Variants in LRRC8C observed in about 807,000 individuals in gnomAD.
LRRC8C encodes the protein volume-regulated anion channel subunit LRRC8C.
Under a neutral mutation model 55.3 loss-of-function variants are expected in LRRC8C, and 20 were observed. That is an observed-to-expected ratio of 0.36 (90% CI 0.25 to 0.53). The LOEUF is 0.53. Ranked by LOEUF, LRRC8C falls within the 20% of genes least tolerant of loss-of-function variation. The pLI, the probability that LRRC8C is intolerant of heterozygous loss-of-function variation, is 0.92. For synonymous variants in LRRC8C, 376 were observed against 360.7 expected, an observed-to-expected ratio of 1.04 and a Z score of -0.48; for missense variants, 659 against 951.4, an observed-to-expected ratio of 0.69 and a Z score of 4.04.
chr1:89,642,571 C>T (rs1260576369), intron 1 of LRRC8C, among the ~76,000 whole-genome samples: 2 of 151,958 alleles, frequency 1.3e-5, no homozygotes, highest in Non-Finnish European at 2.9e-5. Flanking sequence ...AAAAATTGGC[C>T]AGGCACAGTG....
chr1:89,640,686 T>G (rs1427409877), intron 1 of LRRC8C, among the ~76,000 whole-genome samples: 1 of 152,242 alleles, frequency 6.6e-6, no homozygotes, highest in African/African-American at 2.4e-5. Context: ...TGGACAACTG[T>G]GACCAGAAAG....
chr1:89,653,271 C>A (rs535179202), intron 1 of LRRC8C, among the ~76,000 whole-genome samples: 1 of 152,088 alleles, frequency 6.6e-6, no homozygotes, highest in African/African-American at 2.4e-5. Context: ...TTTAAAATAA[C>A]AATAATGCCA....
upstream of LRRC8C, chr1:89,632,217 T>C (rs1034967379): frequency 2.0e-5 from 3 of 152,176 alleles, no homozygotes; most frequent in African/African-American, 7.2e-5. Flanking sequence ...ATCCTGAAAT[T>C]GGGTGGGAAA....
intron 2 of LRRC8C, among the ~76,000 whole-genome samples, chr1:89,694,923 A>C (rs574657617): frequency 4.8e-4 from 64 of 133,530 alleles, no homozygotes; most frequent in African/African-American, 1.8e-3. Context: ...AAGTATAAAG[A>C]CTTTTTTTTT....
At chr1:89,645,988 T>TAGATAGATAG in intron 1 of LRRC8C, among the ~76,000 whole-genome samples, 1 of 61,724 alleles carries the variant, frequency 1.6e-5, no homozygotes, top group Non-Finnish European at 3.3e-5. Flanking sequence ...TAGATAGATA[T>TAGATAGATAG]GGTTACTTAG....
chr1:89,658,514 G>C (rs192879216), intron 1 of LRRC8C, among the ~76,000 whole-genome samples: 1 of 152,078 alleles, frequency 6.6e-6, no homozygotes, highest in Admixed American at 6.5e-5. Flanking sequence ...TGGGGCAGGT[G>C]GTAGAATCAC....
chr1:89,690,122 C>T (rs922997841), intron 2 of LRRC8C, among the ~76,000 whole-genome samples: 7 of 152,042 alleles, frequency 4.6e-5, no homozygotes, highest in African/African-American at 1.2e-4. Context: ...TCAGGAGGAA[C>T]GAGGTGAAGA....
intron 1 of LRRC8C, among the ~76,000 whole-genome samples, chr1:89,634,175 C>G (rs1483263879): frequency 6.6e-6 from 1 of 152,196 alleles, no homozygotes; most frequent in Admixed American, 6.5e-5. Context: ...ACACCTAGCC[C>G]GCATCCTAAT....
chr1:89,645,138 GA>G (rs1656575979), intron 1 of LRRC8C, among the ~76,000 whole-genome samples: 1 of 152,122 alleles, frequency 6.6e-6, no homozygotes, highest in South Asian at 2.1e-4. Flanking sequence ...ATAGTATTGT[GA>G]AAAGAAAATA....
chr1:89,620,579 C>T, the LRRC8C span, among the ~76,000 whole-genome samples: 17 of 137,032 alleles, frequency 1.2e-4, no homozygotes, highest in Non-Finnish European at 2.1e-4. Flanking sequence ...GATGATTTTT[C>T]AAAAAAAAAA....
chr1:89,633,592 C>T (rs1435823006), intron 1 of LRRC8C, among the ~76,000 whole-genome samples: 1 of 152,176 alleles, frequency 6.6e-6, no homozygotes, highest in African/African-American at 2.4e-5. Flanking sequence ...TGGCGCCCAA[C>T]GCCGCGCCGC....
chr1:89,616,875 G>T, the LRRC8C span, among the ~76,000 whole-genome samples: 2 of 152,160 alleles, frequency 1.3e-5, no homozygotes, highest in African/African-American at 4.8e-5. Context: ...CCTCAGGGAG[G>T]TTATGTCTTC....
intron 2 of LRRC8C, among the ~76,000 whole-genome samples, chr1:89,703,941 A>G (rs148024063): frequency 8.5e-5 from 13 of 152,258 alleles, no homozygotes; most frequent in Admixed American, 7.2e-4. Context: ...TAAAAATTCA[A>G]AAGGCAGAAA....
chr1:89,683,398 A>G (rs1426265426), intron 1 of LRRC8C, among the ~76,000 whole-genome samples: 1 of 149,824 alleles, frequency 6.7e-6, no homozygotes, highest in Non-Finnish European at 1.5e-5. Context: ...CTCGCTCTCC[A>G]CCAGGCTGGA....
intron 1 of LRRC8C, among the ~76,000 whole-genome samples, chr1:89,670,526 A>G (rs905940391): frequency 1.3e-4 from 20 of 152,246 alleles, no homozygotes; most frequent in African/African-American, 4.6e-4. Flanking sequence ...TTGTTGGAGT[A>G]GTGGTTAAAT....
At chr1:89,709,985 T>C (rs1275887218) in intron 2 of LRRC8C, among the ~76,000 whole-genome samples, 1 of 152,172 alleles carries the variant, frequency 6.6e-6, no homozygotes, top group African/African-American at 2.4e-5. Flanking sequence ...TCTCCTGACC[T>C]CGTGATCCAC....
intron 1 of LRRC8C, 72 bp from the exon 2 acceptor site, chr1:89,686,398 C>T (rs939783351): frequency 6.5e-7 from 1 of 1,529,826 alleles, no homozygotes; most frequent in Non-Finnish European, 8.9e-7. Flanking sequence ...GGAGTTGGAG[C>T]CACATTTGGT....
intron 2 of LRRC8C, among the ~76,000 whole-genome samples, chr1:89,710,063 A>G (rs750118807): frequency 1.3e-5 from 2 of 152,060 alleles, no homozygotes; most frequent in Non-Finnish European, 2.9e-5. Flanking sequence ...TATTTTCATC[A>G]TATCATTAAC....
chr1:89,699,971 A>G (rs576403134), intron 2 of LRRC8C, among the ~76,000 whole-genome samples: 57 of 152,304 alleles, frequency 3.7e-4, no homozygotes, highest in African/African-American at 1.1e-3. Context: ...AGGGGAATCA[A>G]TCTCATGCGT....
Sources: gnomAD v4.1 joint callset for allele counts (sites outside exome capture counted in the v4.1 genomes callset) on GRCh38, gnomAD v4.1.1 for gene constraint, MANE v1.5 for transcripts, NCBI Gene and HGNC (gene_info 2026-07-23, HGNC 2026-07-21) for gene names.